SEMA3C: variants seen among roughly 807,000 people sequenced by gnomAD.
SEMA3C encodes semaphorin-3C.
SEMA3C carries 47 observed loss-of-function variants against 89.4 expected under a neutral mutation model. The observed-to-expected ratio is 0.53, with a 90% CI of 0.42 to 0.67. The LOEUF is 0.67. Ranked by LOEUF, SEMA3C falls within the 30% of genes least tolerant of loss-of-function variation. The pLI, the probability that SEMA3C is intolerant of heterozygous loss-of-function variation, is 0.00. For synonymous variants in SEMA3C, 310 were observed against 320.2 expected, an observed-to-expected ratio of 0.97 and a Z score of 0.34; for missense variants, 839 against 929.1, an observed-to-expected ratio of 0.90 and a Z score of 1.26.
intron 16 of SEMA3C, 37 bp downstream of exon 16, chr7:80,751,232 C>T: frequency 6.6e-7 from 1 of 1,518,446 alleles, no homozygotes. Context: ...AGCATTGCTA[C>T]TGTTCACTGA....
intron 2 of SEMA3C, among the ~76,000 whole-genome samples, chr7:80,882,186 C>T (rs908404315): frequency 6.6e-6 from 1 of 152,070 alleles, no homozygotes; most frequent in African/African-American, 2.4e-5. Flanking sequence ...CTCAAAATGC[C>T]ACTGACTCAA....
chr7:80,899,256 G>T, intron 2 of SEMA3C, among the ~76,000 whole-genome samples: 1 of 152,136 alleles, frequency 6.6e-6, no homozygotes, highest in East Asian at 1.9e-4. Context: ...GGCCAGGCTG[G>T]TCTCGAACTC....
Position 80,877,198 on chromosome 7 carries a change from T to C in SEMA3C, c.103+39481A>G, listed in dbSNP as rs767732. On this transcript the variant is annotated intron_variant, in intron 2 of 17. Transcript: ENST00000265361. ...TAGCAAGACTATGAGTACACATTGA[T>C]AATATAGAATTACAAAATTGAAGGC... Among the ~76,000 whole-genome samples, 1,031 of 152,358 alleles carry C rather than the reference T, an allele frequency of 6.8e-3. 57 individuals are homozygous for C. The East Asian group carries it at 0.13, about 19-fold the overall frequency.
Position 80,742,806 on chromosome 7 carries a change from G to T in SEMA3C, c.*2088C>A, listed in dbSNP as rs1268423111. 6.6e-6 allele frequency: 1 copy of T among 151,818 alleles called. No individual in the cohort carries two copies. The highest frequency in any genetic ancestry group is 1.9e-4 in the East Asian group (1 of 5,194). The allele number at this position is 151,818 out of a possible 1,614,324, so 9.4% of individuals were successfully genotyped here. On this transcript the variant is annotated 3_prime_UTR_variant, in exon 18 of 18. Transcript: ENST00000265361. ...AAATAAAACCAATCAACCACCAGTA[G>T]TATACATTAACAGCATTTTTGAAAA...
chr7:80,860,300 C>T (rs931050739), intron 2 of SEMA3C, among the ~76,000 whole-genome samples: 1 of 151,934 alleles, frequency 6.6e-6, no homozygotes, highest in African/African-American at 2.4e-5. Flanking sequence ...TAAACCTTCT[C>T]CTAATGGCCA....
intron 2 of SEMA3C, among the ~76,000 whole-genome samples, chr7:80,890,953 A>C (rs1791597028): frequency 6.6e-6 from 1 of 152,238 alleles, no homozygotes; most frequent in East Asian, 1.9e-4. Context: ...TGTACTAATA[A>C]GATTTAATGA....
chr7:80,744,862 T>A lies in SEMA3C; in HGVS notation c.*32A>T. The A allele has an allele frequency of 2.5e-6, 4 of 1,610,914 alleles. No homozygotes were observed. The highest frequency in any genetic ancestry group is 3.4e-6 in the Non-Finnish European group (4 of 1,177,656). ...TGATCATTGAAGACAGAGCATTTGTTAATGGAAGCATAAGACCCACATAAG... is the reference window on the plus strand; with the variant it reads ...TGATCATTGAAGACAGAGCATTTGTAAATGGAAGCATAAGACCCACATAAG... On this transcript the variant is annotated 3_prime_UTR_variant, in exon 18 of 18. Coordinates refer to ENST00000265361, the MANE Select transcript of SEMA3C (RefSeq NM_006379.5).
At chr7:80,914,582 A>G (rs1792226791) in intron 2 of SEMA3C, among the ~76,000 whole-genome samples, 1 of 152,152 alleles carries the variant, frequency 6.6e-6, no homozygotes. Context: ...CTGTTGATAC[A>G]TCTCTTTTAA....
chr7:80,919,089 T>C (rs1465670468), upstream of SEMA3C: 32 of 984,778 alleles, frequency 3.2e-5, no homozygotes, highest in Non-Finnish European at 3.7e-5. Flanking sequence ...CGAGCGCTCT[T>C]GGTGTCCGAT....
intron 4 of SEMA3C, among the ~76,000 whole-genome samples, chr7:80,823,424 T>C (rs558821696): frequency 1.1e-4 from 17 of 152,272 alleles, no homozygotes; most frequent in Non-Finnish European, 2.2e-4. Context: ...GATTGTTGTA[T>C]TGAAAATATA....
chr7:80,906,135 A>G (rs1304327922), intron 2 of SEMA3C, among the ~76,000 whole-genome samples: 1 of 152,206 alleles, frequency 6.6e-6, no homozygotes. Context: ...CTTCCACTGG[A>G]AGATGAACAA....
intron 15 of SEMA3C, among the ~76,000 whole-genome samples, chr7:80,756,351 T>G (rs1788066200): frequency 6.6e-6 from 1 of 152,032 alleles, no homozygotes; most frequent in African/African-American, 2.4e-5. Context: ...TCTTCCTTTA[T>G]TATCCCTCTA....
intron 4 of SEMA3C, among the ~76,000 whole-genome samples, chr7:80,827,034 C>A (rs1244165537): frequency 1.3e-5 from 2 of 152,114 alleles, no homozygotes; most frequent in Non-Finnish European, 1.5e-5. Context: ...CTAACCACTA[C>A]CCTTTTGCCA....
intron 14 of SEMA3C, among the ~76,000 whole-genome samples, chr7:80,758,689 T>C (rs1788121221): frequency 6.6e-6 from 1 of 152,216 alleles, no homozygotes; most frequent in African/African-American, 2.4e-5. Flanking sequence ...TTACCACTTT[T>C]CTGTTAAAAA....
intron 13 of SEMA3C, among the ~76,000 whole-genome samples, chr7:80,761,953 G>A (rs1788193605): frequency 6.6e-6 from 1 of 151,880 alleles, no homozygotes; most frequent in Non-Finnish European, 1.5e-5. Context: ...GCCGGGCATG[G>A]TGGTGGGCAC....
intron 15 of SEMA3C, among the ~76,000 whole-genome samples, 197 bp downstream of exon 15, chr7:80,758,134 T>C (rs1788104988): frequency 6.6e-6 from 1 of 152,180 alleles, no homozygotes; most frequent in African/African-American, 2.4e-5. Context: ...ACTCTGGATT[T>C]ACCATATCTG....
intron 2 of SEMA3C, among the ~76,000 whole-genome samples, chr7:80,876,678 A>G (rs766519312): frequency 7.9e-5 from 12 of 152,242 alleles, no homozygotes; most frequent in South Asian, 2.1e-4. Flanking sequence ...TCATTAAAAT[A>G]TTTTTCAAAA....
At chr7:80,798,389 G>A (rs1789118150) in intron 10 of SEMA3C, among the ~76,000 whole-genome samples, 153 bp from the exon 11 acceptor site, 1 of 151,852 alleles carries the variant, frequency 6.6e-6, no homozygotes, top group Non-Finnish European at 1.5e-5. Context: ...GAAAAACTTT[G>A]AAAAAAGGTA....
At chr7:80,841,345 C>A (rs1790264017) in intron 2 of SEMA3C, among the ~76,000 whole-genome samples, 1 of 152,064 alleles carries the variant, frequency 6.6e-6, no homozygotes, top group African/African-American at 2.4e-5. Flanking sequence ...AGAAAAAAGT[C>A]TTGACAAAAA....
Sources: allele counts gnomAD v4.1 joint callset (sites outside exome capture counted in the v4.1 genomes callset), GRCh38; gene constraint gnomAD v4.1.1; transcripts MANE v1.5; gene names NCBI Gene and HGNC (gene_info 2026-07-23, HGNC 2026-07-21).